Variants in HLA-F observed in about 807,000 individuals in gnomAD.
HLA-F encodes the protein HLA class I histocompatibility antigen, alpha chain F.
Under a neutral mutation model 49.5 loss-of-function variants are expected in HLA-F, and 46 were observed. The ratio of observed to expected loss-of-function variants is 0.93; its 90% CI spans 0.73 to 1.19. The LOEUF is 1.19. HLA-F is among the 50% of genes most tolerant of loss of function. The probability of loss-of-function intolerance (pLI) is 0.00; values close to 1 mark genes in which losing one functional copy is unlikely to be tolerated. For missense variants in HLA-F, 496 were observed against 579.6 expected, an observed-to-expected ratio of 0.86 and a Z score of 1.48; for synonymous variants, 203 against 233.5, an observed-to-expected ratio of 0.87 and a Z score of 1.19.
Position 29,725,203 on chromosome 6 carries a change from C to A in HLA-F, c.783C>A (p.Thr261=). ...AGACCAGGCCTGCAGGGGATGGAAC[C>A]TTCCAGAAGTGGGCCGCTGTGGTGG... ...LVETRPAGDG[T]FQKWAAVVVP... Residue 261 remains threonine (T), a synonymous_variant, in exon 4 of 7, where the codon ACC becomes ACA. Transcript: ENST00000259951. 1 of 1,614,032 alleles carries A rather than the reference C, an allele frequency of 6.2e-7. No individual in the cohort carries two copies. Among genetic ancestry groups the A allele is most frequent in the Non-Finnish European group, 8.5e-7 (1 of 1,179,932 alleles).
At chr6:29,735,849 T>A (rs191640451) in intron 3 of HLA-F, 2 of 152,196 alleles carry the variant, frequency 1.3e-5, no homozygotes, top group Admixed American at 6.5e-5. Context: ...TTCTTCATAA[T>A]TTTTTTTCTT....
intron 6 of HLA-F, chr6:29,726,274 G>GA: frequency 9.4e-7 from 1 of 1,061,060 alleles, no homozygotes; most frequent in Non-Finnish European, 1.5e-6. Flanking sequence ...TGTTGGGGGG[G>GA]AACAGAGGGG....
exon 5 of HLA-F, chr6:29,738,457 T>C (rs1417293077): frequency 1.3e-5 from 2 of 152,238 alleles, no homozygotes; most frequent in Non-Finnish European, 2.9e-5. Context: ...CATCATGTCC[T>C]GGTTTATTGT....
chr6:29,734,276 C>A (rs994869363), intron 3 of HLA-F, among the ~76,000 whole-genome samples: 3 of 152,140 alleles, frequency 2.0e-5, no homozygotes, highest in Admixed American at 1.3e-4. Context: ...AACTCCACCC[C>A]GGGCATACAA....
intron 5 of HLA-F, 131 bp downstream of exon 5, chr6:29,725,694 C>G: frequency 1.3e-6 from 1 of 791,840 alleles, no homozygotes; most frequent in African/African-American, 1.7e-5. Flanking sequence ...AGCCTGGGCC[C>G]TGTGTGCCAG....
chr6:29,727,132 G>A lies in HLA-F; in HGVS notation c.1286G>A (p.Trp429Ter), dbSNP rs1357941523. The A allele has an allele frequency of 6.2e-7, 1 of 1,605,274 alleles. No homozygotes were observed. Among genetic ancestry groups the A allele is most frequent in the Non-Finnish European group, 8.5e-7 (1 of 1,178,122 alleles). ...GGCAGGAGCTTCCTTCTTCGTTCTT[G>A]GCACCATCTTATGAAAAGGGTCCAG... Reference protein sequence around the residue: ...RRGRSFLLRSWHHLMKRVQIK... With the variant: ...RRGRSFLLRS The change falls in exon 7 of 7, where the codon TGG (tryptophan) becomes TAG (stop). Residue 429 changes from tryptophan to a stop codon, truncating the protein, a stop_gained. Transcript: ENST00000259951. LOFTEE classifies it high-confidence loss of function.
Position 29,724,946 on chromosome 6 carries a change from T to G in HLA-F, c.611-85T>G. ...GCTCCCTTCCCCACCCCAGGTGTCC[T>G]GTCCATTCTCAGGTTGGTCACATGG... On this transcript the variant is annotated intron_variant, in intron 3 of 6. Transcript: ENST00000259951. The G allele has an allele frequency of 2.0e-6, 3 of 1,473,638 alleles. No homozygotes were observed. In the South Asian group the frequency reaches 3.8e-5, roughly 19 times the overall value. 91.3% of individuals were successfully genotyped at this position (1,473,638 alleles called of 1,614,324 possible).
downstream of HLA-F, chr6:29,729,430 A>G (rs916689867): frequency 2.6e-5 from 4 of 152,214 alleles, no homozygotes; most frequent in African/African-American, 9.7e-5. Flanking sequence ...CCCACATACA[A>G]AATAATGATG....
At position 29,723,773 on chromosome 6, in the gene HLA-F, C is replaced by G. The variant is rs750155724; in HGVS notation, c.180C>G (p.Asp60Glu). Reference protein sequence around the residue: ...DDTQFLRFDSDAAIPRMEPRE... With the variant: ...DDTQFLRFDSEAAIPRMEPRE... ...CGCAATTCCTGCGGTTCGACAGCGA[C>G]GCCGCGATTCCGAGGATGGAGCCGC... is the stretch of plus-strand genomic sequence containing the variant. The change falls in exon 2 of 7, where the codon GAC (aspartate) becomes GAG (glutamate). Residue 60 changes from aspartate (D) to glutamate (E), a missense_variant. Asp to Glu is a conservative substitution (Grantham distance 45). Coordinates refer to ENST00000259951, the MANE Select transcript of HLA-F (RefSeq NM_001098479.2). 6.2e-7 allele frequency: 1 copy of G among 1,610,462 alleles called. No individual in the cohort carries two copies. The highest frequency in any genetic ancestry group is 1.1e-5 in the South Asian group (1 of 90,726).
chr6:29,733,084 G>A (rs1397674937), intron 3 of HLA-F, among the ~76,000 whole-genome samples: 1 of 152,196 alleles, frequency 6.6e-6, no homozygotes, highest in Non-Finnish European at 1.5e-5. Context: ...AGCTACTCAG[G>A]AGGCTGAGGC....
rs1188366351 is a variant in HLA-F, at chr6:29,724,103, A to G, written c.335-70A>G. 9 of 1,586,778 alleles carry G rather than the reference A, an allele frequency of 5.7e-6. No homozygotes were observed. The South Asian group carries it at 1.0e-4, about 18-fold the overall frequency. ...CCCAGGTTCATTTTCAGTTTAGGCCAAAATCCCCGCGGGTTGGGCGGGGAG... is the reference window on the plus strand; with the variant it reads ...CCCAGGTTCATTTTCAGTTTAGGCCGAAATCCCCGCGGGTTGGGCGGGGAG... On this transcript the variant is annotated intron_variant, in intron 2 of 6. Coordinates refer to ENST00000259951, the MANE Select transcript of HLA-F (RefSeq NM_001098479.2).
rs1776719189 is a variant in HLA-F at position 29,732,564 on chromosome 6, GCATCCTGAGTAGCTGGGA to G, written c.404-5556_404-5539del. Among the ~76,000 whole-genome samples, 3 of 152,190 alleles carry G rather than the reference GCATCCTGAGTAGCTGGGA, an allele frequency of 2.0e-5. No homozygotes were observed. The South Asian group carries it at 6.2e-4, about 32-fold the overall frequency. On this transcript the variant is annotated intron_variant, in intron 3 of 4. Transcript: ENST00000465459. ...GGGTTCAAGCAATTCTCCTGGCTCA[GCATCCTGAGTAGCTGGGA>G]CTACAGGCACATGCCTAGACTCCTG...
downstream of HLA-F, among the ~76,000 whole-genome samples, chr6:29,729,603 C>T (rs1050114010): frequency 6.6e-6 from 1 of 152,162 alleles, no homozygotes; most frequent in Non-Finnish European, 1.5e-5. Flanking sequence ...GGCTTCTTGG[C>T]TGGTGAGCAA....
At position 29,726,948 on chromosome 6, in the gene HLA-F, CT is replaced by C; in HGVS notation, c.1103del (p.Leu368ProfsTer66). The C allele has an allele frequency of 6.2e-7, 1 of 1,611,470 alleles. No homozygotes were observed. Among genetic ancestry groups the C allele is most frequent in the Non-Finnish European group, 8.5e-7 (1 of 1,179,808 alleles). On this transcript the variant is annotated frameshift_variant, in exon 7 of 7. Coordinates refer to ENST00000259951, the MANE Select transcript of HLA-F (RefSeq NM_001098479.2). LOFTEE classifies it high-confidence loss of function. ...GTCAAGCTTATTTCTCCTGGGGGTGCTCTTCCAAGGATATTTGGGCTGCCTC... is the reference window on the plus strand; with the variant it reads ...GTCAAGCTTATTTCTCCTGGGGGTGCCTTCCAAGGATATTTGGGCTGCCTC... The part of the protein sequence containing the change: ...WWSSLFLLGV[L>X]FQGYLGCLRS...
chr6:29,724,504 C>G, intron 3 of HLA-F, 56 bp downstream of exon 3: 1 of 1,579,644 alleles, frequency 6.3e-7, no homozygotes, highest in Non-Finnish European at 8.7e-7. Flanking sequence ...GGGATGGCCT[C>G]GCACAAGGTT....
intron 3 of HLA-F, among the ~76,000 whole-genome samples, chr6:29,732,402 T>G (rs193108288): frequency 2.0e-3 from 302 of 152,330 alleles, no homozygotes; most frequent in Non-Finnish European, 2.8e-3. Flanking sequence ...CATCACCTCC[T>G]TATCTGAGAT....
rs962913909 is a variant in HLA-F at position 29,726,327 on chromosome 6, G to A, written c.1036+284G>A. 2.2e-5 allele frequency: 33 copies of A among 1,474,500 alleles called. No individual in the cohort carries two copies. In the African/African-American group the frequency reaches 3.5e-4, roughly 15 times the overall value. The allele number at this position is 1,474,500 out of a possible 1,614,324, so 91.3% of individuals were successfully genotyped here. A position where few individuals can be genotyped will look rare whatever the true frequency, so the allele number is the denominator to read the frequency against. On this transcript the variant is annotated intron_variant, in intron 6 of 6. Coordinates refer to ENST00000259951, the MANE Select transcript of HLA-F (RefSeq NM_001098479.2). ...GGTTTCTTTGACTTGGATGTCTTGA[G>A]CATGAAATGGGCTATTTAGAGTGTT... is the stretch of plus-strand genomic sequence containing the variant.
chr6:29,725,974 C>T, intron 5 of HLA-F, 37 bp from the exon 6 acceptor site: 1 of 1,613,238 alleles, frequency 6.2e-7, no homozygotes, highest in Non-Finnish European at 8.5e-7. Flanking sequence ...GGCCCTGCCT[C>T]CTTTCTGGCC....
chr6:29,732,699 C>T (rs1209230801), intron 3 of HLA-F, among the ~76,000 whole-genome samples: 8 of 151,992 alleles, frequency 5.3e-5, no homozygotes, highest in African/African-American at 1.2e-4. Flanking sequence ...CCACCCACCT[C>T]GGCCTCCCAA....
Sources: gnomAD v4.1 joint callset for allele counts (sites outside exome capture counted in the v4.1 genomes callset) on GRCh38, gnomAD v4.1.1 for gene constraint, MANE v1.5 for transcripts, NCBI Gene and HGNC (gene_info 2026-07-23, HGNC 2026-07-21) for gene names.